Variants in GALNT1 observed in about 807,000 individuals in gnomAD.
The protein encoded by GALNT1 is polypeptide N-acetylgalactosaminyltransferase 1.
A neutral mutation model predicts 65.7 loss-of-function variants in GALNT1; 17 were observed. That is an observed-to-expected ratio of 0.26 (90% CI 0.18 to 0.39). The LOEUF is 0.39. Ranked by LOEUF, GALNT1 falls within the 10% of genes least tolerant of loss-of-function variation. The pLI is 1.00. For missense variants in GALNT1, 460 were observed against 672.8 expected, an observed-to-expected ratio of 0.68 and a Z score of 3.50; for synonymous variants, 210 against 219.7, an observed-to-expected ratio of 0.96 and a Z score of 0.39.
intron 4 of GALNT1, among the ~76,000 whole-genome samples, chr18:35,682,991 C>G (rs72964466): frequency 0.096 from 14,342 of 150,110 alleles, 823 homozygotes; most frequent in African/African-American, 0.17. Context: ...GGAAATTTCA[C>G]AATTTTCTGA....
At chr18:35,591,803 C>T (rs1478124959) in intron 1 of GALNT1, 1 of 154,354 alleles carries the variant, frequency 6.5e-6, no homozygotes, top group East Asian at 1.9e-4. Context: ...CACTACTTCA[C>T]ATGACTTTGT....
intron 1 of GALNT1, among the ~76,000 whole-genome samples, chr18:35,588,189 A>C (rs1426028013): frequency 6.6e-6 from 1 of 152,146 alleles, no homozygotes; most frequent in Non-Finnish European, 1.5e-5. Context: ...TGGAGAGAGA[A>C]GGCCAGTTAT....
Position 35,684,200 on chromosome 18 carries a change from G to C in GALNT1, c.689+602G>C, listed in dbSNP as rs575120673. ...ACTTCAGTCTGCTAGACCTATGTTG[G>C]TTGAATTTCTGCTTGTCATTGTAAT... On this transcript the variant is annotated intron_variant, in intron 5 of 11. Coordinates refer to ENST00000269195, the MANE Select transcript of GALNT1 (RefSeq NM_020474.4). Among the ~76,000 whole-genome samples the C allele has an allele frequency of 1.2e-3, 184 of 152,292 alleles. 1 individual carries two copies. The highest frequency in any genetic ancestry group is 4.2e-3 in the African/African-American group (174 of 41,554).
intron 1 of GALNT1, among the ~76,000 whole-genome samples, chr18:35,611,947 T>A (rs2046723575): frequency 6.6e-6 from 1 of 152,244 alleles, no homozygotes; most frequent in Non-Finnish European, 1.5e-5. Flanking sequence ...TTTGTAGGCC[T>A]TGCCCTTTGG....
chr18:35,591,249 G>A (rs1214011320), intron 1 of GALNT1, among the ~76,000 whole-genome samples: 2 of 152,178 alleles, frequency 1.3e-5, no homozygotes, highest in Admixed American at 6.5e-5. Flanking sequence ...CTTTGAGAAG[G>A]GGATGCAACA....
intron 1 of GALNT1, among the ~76,000 whole-genome samples, chr18:35,610,404 C>T (rs1225796311): frequency 6.6e-6 from 1 of 152,212 alleles, no homozygotes; most frequent in Non-Finnish European, 1.5e-5. Flanking sequence ...GCGTTCCTTA[C>T]TGGCTGTCAC....
intron 1 of GALNT1, among the ~76,000 whole-genome samples, chr18:35,631,132 G>T (rs1267660974): frequency 6.6e-6 from 1 of 152,132 alleles, no homozygotes; most frequent in Non-Finnish European, 1.5e-5. Context: ...GTACAAGGAG[G>T]AGCTGGTACC....
intron 4 of GALNT1, among the ~76,000 whole-genome samples, chr18:35,682,802 C>CT (rs1192977088): frequency 2.0e-5 from 3 of 150,306 alleles, no homozygotes; most frequent in South Asian, 2.1e-4. Context: ...CCTTTTTAAA[C>CT]TTTTTTTCTT....
chr18:35,647,588 G>C (rs1891019194), intron 1 of GALNT1, among the ~76,000 whole-genome samples: 1 of 152,118 alleles, frequency 6.6e-6, no homozygotes, highest in South Asian at 2.1e-4. Flanking sequence ...AACTCTAGCT[G>C]TTAATTAAAT....
intron 1 of GALNT1, among the ~76,000 whole-genome samples, chr18:35,582,658 A>T (rs2046336677): frequency 6.6e-6 from 1 of 152,212 alleles, no homozygotes; most frequent in African/African-American, 2.4e-5. Flanking sequence ...AGAGAATGTC[A>T]CTTTGATCAT....
chr18:35,624,725 C>A (rs1415171145), intron 1 of GALNT1, among the ~76,000 whole-genome samples: 1 of 152,032 alleles, frequency 6.6e-6, no homozygotes, highest in Non-Finnish European at 1.5e-5. Flanking sequence ...TTAGTTGTTA[C>A]CTTTTAATTC....
chr18:35,665,074 C>T (rs577761714), intron 3 of GALNT1, among the ~76,000 whole-genome samples: 10 of 152,308 alleles, frequency 6.6e-5, no homozygotes, highest in Non-Finnish European at 1.3e-4. Context: ...TGTGTTTAGG[C>T]CTCATATTCA....
At chr18:35,635,441 T>C (rs917000100) in intron 1 of GALNT1, among the ~76,000 whole-genome samples, 7 of 152,206 alleles carry the variant, frequency 4.6e-5, no homozygotes, top group Admixed American at 4.6e-4. Flanking sequence ...ACTCACTGCC[T>C]GGAGCATACA....
chr18:35,701,556 TA>T (rs1326009680), intron 9 of GALNT1, among the ~76,000 whole-genome samples: 3 of 152,206 alleles, frequency 2.0e-5, no homozygotes, highest in Non-Finnish European at 2.9e-5. Context: ...AATGATGATG[TA>T]AATTATGTGG....
chr18:35,698,130 C>A (rs980582339), intron 9 of GALNT1, among the ~76,000 whole-genome samples: 4 of 152,164 alleles, frequency 2.6e-5, no homozygotes, highest in Non-Finnish European at 5.9e-5. Context: ...TCCTATGTGT[C>A]AGCATCTAGA....
intron 1 of GALNT1, among the ~76,000 whole-genome samples, chr18:35,593,779 G>T (rs950999065): frequency 1.3e-5 from 2 of 152,062 alleles, no homozygotes; most frequent in African/African-American, 4.8e-5. Flanking sequence ...CGCGATCTGG[G>T]CTCACTGCAA....
intron 1 of GALNT1, among the ~76,000 whole-genome samples, chr18:35,614,775 C>G (rs1441265895): frequency 1.3e-5 from 2 of 151,970 alleles, no homozygotes; most frequent in Admixed American, 6.6e-5. Context: ...AATTAATCAA[C>G]AAGAAGATCA....
intron 1 of GALNT1, among the ~76,000 whole-genome samples, chr18:35,646,379 T>C (rs1367353511): frequency 6.6e-6 from 1 of 152,154 alleles, no homozygotes; most frequent in African/African-American, 2.4e-5. Context: ...TAGCAGGATA[T>C]TGGCTCAGGA....
chr18:35,677,473 C>A, intron 3 of GALNT1, 118 bp from the exon 4 acceptor site: 1 of 623,164 alleles, frequency 1.6e-6, no homozygotes, highest in Non-Finnish European at 2.6e-6. Flanking sequence ...GAAAAGGTAC[C>A]AAGGATCCCA....
Sources: allele counts gnomAD v4.1 joint callset (sites outside exome capture counted in the v4.1 genomes callset), GRCh38; gene constraint gnomAD v4.1.1; transcripts MANE v1.5; gene names NCBI Gene and HGNC (gene_info 2026-07-23, HGNC 2026-07-21).